The following SNRNP48 variants were observed in gnomAD, a reference collection of about 807,000 sequenced individuals.
SNRNP48 encodes small nuclear ribonucleoprotein U11/U12 subunit 48, also known as U11/U12 small nuclear ribonucleoprotein 48 kDa protein.
In SNRNP48, 43 loss-of-function variants were observed where a neutral mutation model predicts 47.0. The ratio of observed to expected loss-of-function variants is 0.92; its 90% CI spans 0.72 to 1.18. SNRNP48 has a LOEUF of 1.18. Ranked by LOEUF, SNRNP48 falls within the 50% of genes most tolerant of loss-of-function variation. The pLI, the probability that SNRNP48 is intolerant of heterozygous loss-of-function variation, is 0.00. For missense variants in SNRNP48, 396 were observed against 422.2 expected (o/e 0.94, Z 0.54); for synonymous variants, 138 against 144.0 (o/e 0.96, Z 0.30).
At chr6:7,594,039 T>A in intron 2 of SNRNP48, 60 bp from the exon 3 acceptor site, 2 of 1,116,098 alleles carry the variant, frequency 1.8e-6, no homozygotes, top group South Asian at 1.5e-5. Context: ...ATTGTTTAGG[T>A]CAAGTCTTAA....
At chr6:7,593,919 A>T in intron 2 of SNRNP48, 72 bp downstream of exon 2, 2 of 1,230,944 alleles carry the variant, frequency 1.6e-6, no homozygotes, top group Admixed American at 5.3e-5. Flanking sequence ...AATTTTTGGA[A>T]GTTACAATGT....
rs1759791371 is a variant in SNRNP48, at chr6:7,590,305, G to A, written c.48G>A (p.Glu16=). ...PPVEERRRLQ[E]ELNEFVESGC... ...TGGAGGAGCGGCGGCGGCTGCAGGA[G>A]GAGCTGAACGAGTTCGTGGAGAGCG... Residue 16 remains glutamate, a synonymous_variant, in exon 1 of 9, where the codon GAG becomes GAA. Coordinates refer to ENST00000342415, the MANE Select transcript of SNRNP48 (RefSeq NM_152551.4). 2.7e-5 allele frequency: 38 copies of A among 1,389,040 alleles called. No individual in the cohort carries two copies. Among genetic ancestry groups the A allele is most frequent in the Non-Finnish European group, 3.6e-5 (38 of 1,057,562 alleles). The allele number at this position is 1,389,040 out of a possible 1,614,324, so 86.0% of individuals were successfully genotyped here. A position where few individuals can be genotyped will look rare whatever the true frequency, so the allele number is the denominator to read the frequency against.
intron 1 of SNRNP48, among the ~76,000 whole-genome samples, chr6:7,592,207 G>T (rs1274080999): frequency 6.6e-6 from 1 of 152,112 alleles, no homozygotes; most frequent in African/African-American, 2.4e-5. Context: ...CGGGGAAGAA[G>T]CATCAACAGC....
chr6:7,594,197 T>G, intron 3 of SNRNP48, 38 bp downstream of exon 3: 1 of 1,004,560 alleles, frequency 1.0e-6, no homozygotes, highest in Non-Finnish European at 1.4e-6. Context: ...AATATCTTAG[T>G]GTAGATATTG....
chr6:7,607,984 T>C (rs1401047567), intron 8 of SNRNP48, among the ~76,000 whole-genome samples: 1 of 152,234 alleles, frequency 6.6e-6, no homozygotes, highest in Non-Finnish European at 1.5e-5. Context: ...ATAGTGCTTC[T>C]TCTACTTAAG....
At position 7,610,106 on chromosome 6, in the gene SNRNP48, T is replaced by G. The variant is rs949571057; in HGVS notation, c.*1233T>G. 7 of 152,232 alleles carry G rather than the reference T, an allele frequency of 4.6e-5. No individual in the cohort carries two copies. Among genetic ancestry groups the G allele is most frequent in the Admixed American group, 1.3e-4 (2 of 15,278 alleles). The allele number at this position is 152,232 out of a possible 1,614,324, so 9.4% of individuals were successfully genotyped here. A position where few individuals can be genotyped will look rare whatever the true frequency, so the allele number is the denominator to read the frequency against. On this transcript the variant is annotated 3_prime_UTR_variant, in exon 9 of 9. Transcript: ENST00000342415. ...TTGTTGCTGAGTAGTATGTTCTATC[T>G]TATGTCAGATCATTCACGTGAGACT... is the stretch of plus-strand genomic sequence containing the variant.
chr6:7,600,608 C>CT (rs1759998779), intron 4 of SNRNP48: 1 of 152,074 alleles, frequency 6.6e-6, no homozygotes, highest in African/African-American at 2.4e-5. Context: ...ATTGTATTTA[C>CT]TTTTTTTCAC....
intron 8 of SNRNP48, among the ~76,000 whole-genome samples, chr6:7,608,222 G>T (rs1475729340): frequency 6.8e-6 from 1 of 146,564 alleles, no homozygotes; most frequent in Admixed American, 6.8e-5. Flanking sequence ...GAATTAAAGT[G>T]TTTTTTTTTT....
At position 7,610,227 on chromosome 6, in the gene SNRNP48, C is replaced by CT. The variant is rs1760207496; in HGVS notation, c.*1356dup. ...TTTTGTTTCCAAGTAGAAATGAAATCTTATTATTTTAATAAGTAGCTGACA... is the reference window on the plus strand; with the variant it reads ...TTTTGTTTCCAAGTAGAAATGAAATCTTTATTATTTTAATAAGTAGCTGACA... On this transcript the variant is annotated 3_prime_UTR_variant, in exon 9 of 9. Coordinates refer to ENST00000342415, the MANE Select transcript of SNRNP48 (RefSeq NM_152551.4). The CT allele has an allele frequency of 6.6e-6, 1 of 152,120 alleles. No homozygotes were observed. Among genetic ancestry groups the CT allele is most frequent in the African/African-American group, 2.4e-5 (1 of 41,410 alleles). The allele number at this position is 152,120 out of a possible 1,614,324, so 9.4% of individuals were successfully genotyped here.
chr6:7,595,745 G>A (rs1759893936), intron 4 of SNRNP48, among the ~76,000 whole-genome samples: 2 of 152,178 alleles, frequency 1.3e-5, no homozygotes, highest in Admixed American at 1.3e-4. Flanking sequence ...TACCCAGTAA[G>A]TGAGTTGGTT....
intron 2 of SNRNP48, 52 bp from the exon 3 acceptor site, chr6:7,594,047 T>TG: frequency 1.7e-6 from 2 of 1,176,352 alleles, no homozygotes; most frequent in Non-Finnish European, 2.4e-6. Context: ...GGTCAAGTCT[T>TG]AAAATAGTCA....
chr6:7,590,384 C>G lies in SNRNP48; in HGVS notation c.127C>G (p.Leu43Val). 1 of 1,348,648 alleles carries G rather than the reference C, an allele frequency of 7.4e-7. No homozygotes were observed. The highest frequency in any genetic ancestry group is 9.6e-7 in the Non-Finnish European group (1 of 1,039,104). 83.5% of individuals were successfully genotyped at this position (1,348,648 alleles called of 1,614,324 possible). The change falls in exon 1 of 9, where the codon CTG becomes GTG. Residue 43 changes from leucine to valine, a missense_variant. Transcript: ENST00000342415. ...GTCCCTGGGCTGGGACCTAGATAGT[C>G]TGGATCCCGGGGAAGAGGAGGCGGC... The part of the protein sequence containing the change: ...TASLGWDLDS[L>V]DPGEEEAAED...
intron 4 of SNRNP48, among the ~76,000 whole-genome samples, chr6:7,598,780 C>G (rs1417222415): frequency 6.6e-6 from 1 of 152,142 alleles, no homozygotes; most frequent in Non-Finnish European, 1.5e-5. Flanking sequence ...TCATGTCAGG[C>G]CTAAACTCAG....
chr6:7,590,288 C>A lies in SNRNP48; in HGVS notation c.31C>A (p.Arg11=). The A allele has an allele frequency of 7.3e-7, 1 of 1,366,468 alleles. No homozygotes were observed. The highest frequency in any genetic ancestry group is 9.5e-7 in the Non-Finnish European group (1 of 1,048,870). 84.6% of individuals were successfully genotyped at this position (1,366,468 alleles called of 1,614,324 possible). A position where few individuals can be genotyped will look rare whatever the true frequency, so the allele number is the denominator to read the frequency against. MEGEPPPVEE[R]RRLQEELNEF... is the part of the protein sequence containing the mutation. ...GGGCGAGCCTCCACCTGTGGAGGAG[C>A]GGCGGCGGCTGCAGGAGGAGCTGAA... Residue 11 remains arginine (R), a synonymous_variant, in exon 1 of 9, where the codon CGG becomes AGG. Coordinates refer to ENST00000342415, the MANE Select transcript of SNRNP48 (RefSeq NM_152551.4).
At chr6:7,605,922 C>A in intron 7 of SNRNP48, 109 bp from the exon 8 acceptor site, 2 of 1,144,198 alleles carry the variant, frequency 1.7e-6, no homozygotes, top group Non-Finnish European at 2.5e-6. Flanking sequence ...TAGACCATAT[C>A]TACCATTGGT....
chr6:7,593,932 G>A, intron 2 of SNRNP48, 85 bp downstream of exon 2: 3 of 1,119,178 alleles, frequency 2.7e-6, no homozygotes, highest in Non-Finnish European at 2.5e-6. Flanking sequence ...TACAATGTGA[G>A]GTTCACTGAC....
intron 6 of SNRNP48, among the ~76,000 whole-genome samples, chr6:7,604,313 A>G (rs1760086027): frequency 6.6e-6 from 1 of 152,182 alleles, no homozygotes; most frequent in African/African-American, 2.4e-5. Flanking sequence ...GAGGAGGAGA[A>G]GTGGTGGATA....
rs1052291766 is a variant in SNRNP48, at chr6:7,599,983, A to G, written c.407-1353A>G. 4.0e-6 allele frequency: 4 copies of G among 989,890 alleles called. No homozygotes were observed. The South Asian group carries it at 1.0e-4, about 26-fold the overall frequency. The allele number at this position is 989,890 out of a possible 1,614,324, so 61.3% of individuals were successfully genotyped here. A position where few individuals can be genotyped will look rare whatever the true frequency, so the allele number is the denominator to read the frequency against. On this transcript the variant is annotated intron_variant, in intron 4 of 8. Transcript: ENST00000342415. ...TTTATATGAAGCTTGTTTGTAATAC[A>G]TCATTATTTTCTAATCTGTGTTTTC...
rs1760220301 is a variant in SNRNP48 at position 7,610,787 on chromosome 6, T to C, written c.*1914T>C. ...GTGGCATCGGGTGAAAAGAGGCATTTGTTTGATCCTTGAACGAATTAATCT... is the reference window on the plus strand; with the variant it reads ...GTGGCATCGGGTGAAAAGAGGCATTCGTTTGATCCTTGAACGAATTAATCT... On this transcript the variant is annotated 3_prime_UTR_variant, in exon 9 of 9. Coordinates refer to ENST00000342415, the MANE Select transcript of SNRNP48 (RefSeq NM_152551.4). 1 of 152,210 alleles carries C rather than the reference T, an allele frequency of 6.6e-6. No homozygotes were observed. Among genetic ancestry groups the C allele is most frequent in the South Asian group, 2.1e-4 (1 of 4,832 alleles). 9.4% of individuals were successfully genotyped at this position (152,210 alleles called of 1,614,324 possible). A position where few individuals can be genotyped will look rare whatever the true frequency, so the allele number is the denominator to read the frequency against.
Sources: allele counts gnomAD v4.1 joint callset (sites outside exome capture counted in the v4.1 genomes callset), GRCh38; gene constraint gnomAD v4.1.1; transcripts MANE v1.5; gene names NCBI Gene and HGNC (gene_info 2026-07-23, HGNC 2026-07-21).